SDHAF4: variants seen among roughly 807,000 people sequenced by gnomAD.
SDHAF4 encodes succinate dehydrogenase complex assembly factor 4.
Under a neutral mutation model 14.3 loss-of-function variants are expected in SDHAF4, and 14 were observed. The ratio of observed to expected loss-of-function variants is 0.98; its 90% CI spans 0.65 to 1.53. The LOEUF is 1.53. SDHAF4 is among the 40% of genes most tolerant of loss of function. The probability of loss-of-function intolerance (pLI) is 0.00; values close to 1 mark genes in which losing one functional copy is unlikely to be tolerated. For missense variants in SDHAF4, 141 were observed against 129.3 expected (o/e 1.09, Z -0.44); for synonymous variants, 63 against 47.3 (o/e 1.33, Z -1.36).
At chr6:70,571,857 T>G (rs781619838) in intron 1 of SDHAF4, among the ~76,000 whole-genome samples, 1 of 152,112 alleles carries the variant, frequency 6.6e-6, no homozygotes, top group Non-Finnish European at 1.5e-5. Flanking sequence ...TAAGTCAGTT[T>G]TGGTAAGTTA....
chr6:70,581,173 A>AC (rs574947224), intron 2 of SDHAF4, among the ~76,000 whole-genome samples: 10 of 151,090 alleles, frequency 6.6e-5, no homozygotes, highest in Admixed American at 1.3e-4. Flanking sequence ...CAAGTGACCA[A>AC]CCCCCCTCGG....
the SDHAF4 span, among the ~76,000 whole-genome samples, chr6:70,595,835 CAAAAAAAA>C: frequency 1.0e-5 from 1 of 98,720 alleles, no homozygotes; most frequent in East Asian, 3.6e-4. Context: ...GACTCTATCT[CAAAAAAAA>C]AAAAAAAAAG....
chr6:70,574,248 A>C (rs1802222004), intron 1 of SDHAF4, among the ~76,000 whole-genome samples: 1 of 151,218 alleles, frequency 6.6e-6, no homozygotes, highest in South Asian at 2.1e-4. Flanking sequence ...TGATCCCGGG[A>C]GGTGGAGGTT....
At chr6:70,586,542 A>G (rs540547757) in intron 2 of SDHAF4, among the ~76,000 whole-genome samples, 1 of 147,046 alleles carries the variant, frequency 6.8e-6, no homozygotes, top group African/African-American at 2.5e-5. Context: ...TTTACATAGC[A>G]TAGGGCCTGG....
Position 70,566,948 on chromosome 6 carries a change from CATCGAG to C in SDHAF4, c.9_14del (p.Ser4_Arg5del). 1 of 1,587,028 alleles carries C rather than the reference CATCGAG, an allele frequency of 6.3e-7. No individual in the cohort carries two copies. Among genetic ancestry groups the C allele is most frequent in the South Asian group, 1.2e-5 (1 of 86,766 alleles). On this transcript the variant is annotated inframe_deletion, in exon 1 of 3. Coordinates refer to ENST00000370474, the MANE Select transcript of SDHAF4 (RefSeq NM_145267.3). ...GCTCGGGGAGTCGGCGCCATGACCC[CATCGAG>C]GCTTCCCTGGTTGCTTAGCTGGGTC...
At chr6:70,569,291 G>A (rs561575236) in intron 1 of SDHAF4, among the ~76,000 whole-genome samples, 1 of 148,312 alleles carries the variant, frequency 6.7e-6, no homozygotes, top group East Asian at 2.0e-4. Context: ...TTTTTGAGAC[G>A]GAGTTTCACT....
At chr6:70,591,705 T>C (rs984983333), downstream of SDHAF4, among the ~76,000 whole-genome samples, 1 of 152,200 alleles carries the variant, frequency 6.6e-6, no homozygotes, top group African/African-American at 2.4e-5. Flanking sequence ...AAAATGTCAT[T>C]AGTTGAAAAT....
At chr6:70,575,679 A>G (rs755494256) in intron 1 of SDHAF4, among the ~76,000 whole-genome samples, 59 of 152,094 alleles carry the variant, frequency 3.9e-4, no homozygotes, top group Non-Finnish European at 7.8e-4. Context: ...ACCAGAAACA[A>G]AAGTTTTGAG....
chr6:70,569,199 C>T (rs1003234442), intron 1 of SDHAF4, among the ~76,000 whole-genome samples: 53 of 151,772 alleles, frequency 3.5e-4, no homozygotes, highest in Non-Finnish European at 1.5e-4. Context: ...CTCCTGACCT[C>T]GTGATCCGCC....
At chr6:70,580,997 T>G (rs1802314388) in intron 2 of SDHAF4, among the ~76,000 whole-genome samples, 1 of 152,148 alleles carries the variant, frequency 6.6e-6, no homozygotes, top group Non-Finnish European at 1.5e-5. Flanking sequence ...AGTGGCACAC[T>G]CTCGGCTCAC....
intron 1 of SDHAF4, among the ~76,000 whole-genome samples, chr6:70,576,561 C>T (rs1239729884): frequency 2.6e-5 from 4 of 152,186 alleles, no homozygotes; most frequent in Non-Finnish European, 1.5e-5. Context: ...CACAGATATA[C>T]ACATATTTAT....
At chr6:70,586,059 T>C (rs950121156) in intron 2 of SDHAF4, among the ~76,000 whole-genome samples, 13 of 152,188 alleles carry the variant, frequency 8.5e-5, no homozygotes, top group Non-Finnish European at 1.6e-4. Context: ...AGCAATGTGC[T>C]TCCTCAGTAG....
chr6:70,594,786 C>A, the SDHAF4 span, among the ~76,000 whole-genome samples: 1 of 152,056 alleles, frequency 6.6e-6, no homozygotes, highest in East Asian at 1.9e-4. Context: ...GTGGTGCACA[C>A]CTGTAATCCC....
intron 1 of SDHAF4, among the ~76,000 whole-genome samples, chr6:70,573,264 CTTTTT>C (rs202098262): frequency 9.1e-6 from 1 of 110,452 alleles, no homozygotes; most frequent in African/African-American, 4.6e-5. Context: ...GCTATTTGGC[CTTTTT>C]TTTTTTTTTT....
At chr6:70,574,402 G>A (rs1444847956) in intron 1 of SDHAF4, among the ~76,000 whole-genome samples, 1 of 152,048 alleles carries the variant, frequency 6.6e-6, no homozygotes, top group Non-Finnish European at 1.5e-5. Context: ...CACGGGTGTG[G>A]GTCAGTCAGT....
At chr6:70,567,127 C>T in intron 1 of SDHAF4, 123 bp downstream of exon 1, 1 of 943,778 alleles carries the variant, frequency 1.1e-6, no homozygotes, top group Non-Finnish European at 1.6e-6. Flanking sequence ...CAGGGGCTGC[C>T]CAGCTTCTCC....
At chr6:70,583,497 G>T (rs960890976) in intron 2 of SDHAF4, among the ~76,000 whole-genome samples, 2 of 152,198 alleles carry the variant, frequency 1.3e-5, no homozygotes, top group Non-Finnish European at 2.9e-5. Context: ...CAAAGAGAAA[G>T]AGGCTGCAGA....
the SDHAF4 span, among the ~76,000 whole-genome samples, chr6:70,598,327 T>G: frequency 1.3e-5 from 2 of 152,094 alleles, no homozygotes; most frequent in Non-Finnish European, 2.9e-5. Flanking sequence ...TGCAGTGAGC[T>G]GAGGTGGAGC....
chr6:70,584,987 G>T (rs1765179375), intron 2 of SDHAF4, among the ~76,000 whole-genome samples: 1 of 152,156 alleles, frequency 6.6e-6, no homozygotes, highest in Non-Finnish European at 1.5e-5. Flanking sequence ...TAAGTAAATG[G>T]TATAGAATTC....
Sources: allele counts gnomAD v4.1 joint callset (sites outside exome capture counted in the v4.1 genomes callset), GRCh38; gene constraint gnomAD v4.1.1; transcripts MANE v1.5; gene names NCBI Gene and HGNC (gene_info 2026-07-23, HGNC 2026-07-21).